FTCDNL1: variants seen among roughly 807,000 people sequenced by gnomAD.
FTCDNL1 encodes formiminotransferase cyclodeaminase N-terminal like.
FTCDNL1 carries 11 observed loss-of-function variants against 5.9 expected under a neutral mutation model. The ratio of observed to expected loss-of-function variants is 1.87; its 90% CI spans 1.18 to 3.10. The LOEUF (loss-of-function observed/expected upper bound fraction) is 3.10. Ranked by LOEUF, FTCDNL1 falls within the 30% of genes most tolerant of loss-of-function variation. The pLI, the probability that FTCDNL1 is intolerant of heterozygous loss-of-function variation, is 0.00. For synonymous variants in FTCDNL1, 58 were observed against 24.8 expected, an observed-to-expected ratio of 2.34 and a Z score of -3.99; for missense variants, 115 against 65.5, an observed-to-expected ratio of 1.76 and a Z score of -2.61.
chr2:199,804,049 GA>G (rs1700601245), intron 3 of FTCDNL1, among the ~76,000 whole-genome samples: 1 of 152,178 alleles, frequency 6.6e-6, no homozygotes, highest in African/African-American at 2.4e-5. Context: ...TAACAAAGTG[GA>G]TATCATGAAG....
At chr2:199,815,003 A>G (rs1430889047) in intron 4 of FTCDNL1, among the ~76,000 whole-genome samples, 1 of 152,232 alleles carries the variant, frequency 6.6e-6, no homozygotes, top group African/African-American at 2.4e-5. Context: ...GCATCATATG[A>G]AACTACAGTT....
At chr2:199,820,422 A>G (rs1290160623) in intron 3 of FTCDNL1, among the ~76,000 whole-genome samples, 1 of 152,180 alleles carries the variant, frequency 6.6e-6, no homozygotes, top group Non-Finnish European at 1.5e-5. Context: ...TGGGCAACAT[A>G]GTTAGACTCC....
intron 3 of FTCDNL1, among the ~76,000 whole-genome samples, chr2:199,775,348 G>A (rs1267916799): frequency 6.6e-6 from 1 of 152,204 alleles, no homozygotes; most frequent in Non-Finnish European, 1.5e-5. Context: ...CAGACTTCTT[G>A]AGATGTCTTC....
intron 3 of FTCDNL1, among the ~76,000 whole-genome samples, chr2:199,777,025 G>A (rs1021543336): frequency 7.0e-6 from 1 of 143,862 alleles, no homozygotes; most frequent in Non-Finnish European, 1.5e-5. Context: ...AGGTACAGTG[G>A]CTCACCCCTG....
chr2:199,688,475 G>A, the FTCDNL1 span, among the ~76,000 whole-genome samples: 3 of 151,972 alleles, frequency 2.0e-5, no homozygotes, highest in Admixed American at 6.6e-5. Flanking sequence ...AACTCCCCAA[G>A]TAATTCTGAC....
the FTCDNL1 span, among the ~76,000 whole-genome samples, chr2:199,728,337 C>T: frequency 6.6e-6 from 1 of 151,870 alleles, no homozygotes; most frequent in African/African-American, 2.4e-5. Flanking sequence ...AACCTCTGCT[C>T]CTGGGTTCAT....
the FTCDNL1 span, among the ~76,000 whole-genome samples, chr2:199,733,969 C>A: frequency 6.6e-6 from 1 of 151,270 alleles, no homozygotes. Flanking sequence ...TGTCTTCCAC[C>A]AAAAATAGTT....
chr2:199,812,871 A>G, intron 4 of FTCDNL1, 147 bp from the exon 5 acceptor site: 1 of 590,798 alleles, frequency 1.7e-6, no homozygotes, highest in Non-Finnish European at 3.0e-6. Context: ...AGTCGCTATT[A>G]TTTCACAGAG....
At chr2:199,781,769 T>C (rs567058482) in intron 3 of FTCDNL1, among the ~76,000 whole-genome samples, 1 of 112,978 alleles carries the variant, frequency 8.9e-6, no homozygotes, top group South Asian at 3.2e-4. Flanking sequence ...TTTTTTTTCT[T>C]GTTTTTTGTT....
At position 199,848,756 on chromosome 2, in the gene FTCDNL1, A is replaced by G. The variant is rs942726975; in HGVS notation, c.115+92T>C. 5.0e-6 allele frequency: 3 copies of G among 596,352 alleles called. No homozygotes were observed. The African/African-American group carries it at 5.6e-5, about 11-fold the overall frequency. The allele number at this position is 596,352 out of a possible 1,614,324, so 36.9% of individuals were successfully genotyped here. A position where few individuals can be genotyped will look rare whatever the true frequency, so the allele number is the denominator to read the frequency against. On this transcript the variant is annotated intron_variant, in intron 2 of 4. Coordinates refer to ENST00000420128, the MANE Select transcript of FTCDNL1 (RefSeq NM_001363886.2). ...AGGAAAATTCAGGAAGAAAGAAAGA[A>G]AAGTGTTCTGTAGATACAGTGTGCA... is the stretch of plus-strand genomic sequence containing the variant.
chr2:199,825,183 A>T (rs1180312340), intron 3 of FTCDNL1, among the ~76,000 whole-genome samples: 4 of 152,028 alleles, frequency 2.6e-5, no homozygotes, highest in Non-Finnish European at 5.9e-5. Flanking sequence ...ATAAAATAGT[A>T]ATGAAAAGGT....
chr2:199,672,697 C>A, the FTCDNL1 span, among the ~76,000 whole-genome samples: 676 of 152,096 alleles, frequency 4.4e-3, 7 homozygotes, highest in African/African-American at 0.016. Context: ...AATAACTGGA[C>A]CTTCTCTAAG....
At chr2:199,849,000 C>G (rs1319253044) in intron 1 of FTCDNL1, 31 bp from the exon 2 acceptor site, 2 of 686,656 alleles carry the variant, frequency 2.9e-6, no homozygotes, top group Non-Finnish European at 5.3e-6. Context: ...TTATGTGTCT[C>G]TAGAGTTGAT....
intron 3 of FTCDNL1, among the ~76,000 whole-genome samples, chr2:199,787,886 C>T (rs904602512): frequency 1.2e-4 from 18 of 152,120 alleles, no homozygotes; most frequent in African/African-American, 1.7e-4. Flanking sequence ...TATATGAACA[C>T]GTACTTTTCC....
chr2:199,685,479 T>TTG, the FTCDNL1 span, among the ~76,000 whole-genome samples: 1 of 152,218 alleles, frequency 6.6e-6, no homozygotes, highest in Non-Finnish European at 1.5e-5. Flanking sequence ...AGTTTTGTTT[T>TTG]TGTTTTTTTT....
the FTCDNL1 span, among the ~76,000 whole-genome samples, chr2:199,696,976 C>T: frequency 2.0e-5 from 3 of 152,166 alleles, no homozygotes; most frequent in Non-Finnish European, 4.4e-5. Flanking sequence ...TAATCTGATA[C>T]AGCTGAAAAA....
chr2:199,776,745 C>A (rs1035149579), intron 3 of FTCDNL1, among the ~76,000 whole-genome samples: 1 of 152,074 alleles, frequency 6.6e-6, no homozygotes, highest in South Asian at 2.1e-4. Context: ...CCACATACAA[C>A]ACTAAAAAGG....
downstream of FTCDNL1, among the ~76,000 whole-genome samples, chr2:199,756,745 CT>C (rs1698086728): frequency 6.6e-6 from 1 of 152,202 alleles, no homozygotes; most frequent in Non-Finnish European, 1.5e-5. Context: ...ATCCCCCTGG[CT>C]TTCAACAACT....
At chr2:199,836,789 G>A (rs1397823932) in intron 3 of FTCDNL1, among the ~76,000 whole-genome samples, 1 of 152,112 alleles carries the variant, frequency 6.6e-6, no homozygotes, top group African/African-American at 2.4e-5. Flanking sequence ...GTGATACAGG[G>A]AAGGAGTAAA....
Sources: allele counts gnomAD v4.1 joint callset (sites outside exome capture counted in the v4.1 genomes callset), GRCh38; gene constraint gnomAD v4.1.1; transcripts MANE v1.5; gene names NCBI Gene and HGNC (gene_info 2026-07-23, HGNC 2026-07-21).